The following ENTPD5 variants were observed in gnomAD, a reference collection of about 807,000 sequenced individuals.
ENTPD5 encodes nucleoside diphosphate phosphatase ENTPD5.
Under a neutral mutation model 60.2 loss-of-function variants are expected in ENTPD5, and 49 were observed. That is an observed-to-expected ratio of 0.81 (90% CI 0.65 to 1.03). The LOEUF is 1.03. Among genes scored for constraint, ENTPD5 ranks in the 50% least tolerant of loss-of-function variants. ENTPD5 has a pLI of 0.00. For synonymous variants in ENTPD5, 187 were observed against 185.4 expected (o/e 1.01, Z -0.07); for missense variants, 480 against 507.6 (o/e 0.95, Z 0.52).
chr14:73,970,229 C>T (rs1404565626), intron 14 of ENTPD5, 104 bp from the exon 15 acceptor site: 21 of 721,634 alleles, frequency 2.9e-5, no homozygotes, highest in Middle Eastern at 3.0e-4. Flanking sequence ...CGGTGGCTCA[C>T]GCCTGTAATC....
chr14:73,978,737 C>A (rs1850752735), intron 6 of ENTPD5, among the ~76,000 whole-genome samples: 1 of 151,798 alleles, frequency 6.6e-6, no homozygotes. Flanking sequence ...ATGGTGAAAA[C>A]CCATCTATAC....
chr14:73,985,203 T>C (rs1411982939), intron 5 of ENTPD5, among the ~76,000 whole-genome samples: 1 of 152,202 alleles, frequency 6.6e-6, no homozygotes, highest in African/African-American at 2.4e-5. Context: ...AATAAACATA[T>C]GTGTGCATGT....
At chr14:74,006,278 C>T (rs908119151) in intron 3 of ENTPD5, among the ~76,000 whole-genome samples, 1 of 147,556 alleles carries the variant, frequency 6.8e-6, no homozygotes, top group Non-Finnish European at 1.5e-5. Context: ...AGCCACCTCG[C>T]CAAGCCTTTT....
intron 10 of ENTPD5, among the ~76,000 whole-genome samples, chr14:73,975,444 G>A (rs576602609): frequency 1.5e-4 from 21 of 142,128 alleles, no homozygotes; most frequent in Non-Finnish European, 2.9e-4. Flanking sequence ...TTGCTCTGTC[G>A]CTCCGGCTGA....
At chr14:74,015,723 C>G (rs1225688425) in intron 2 of ENTPD5, 101 bp downstream of exon 2, 1 of 151,846 alleles carries the variant, frequency 6.6e-6, no homozygotes, top group Non-Finnish European at 1.5e-5. Context: ...AAATTAACAT[C>G]ACTTGGCAAA....
intron 4 of ENTPD5, 47 bp from the exon 5 acceptor site, chr14:73,986,940 AG>A (rs745999385): frequency 9.3e-5 from 134 of 1,442,732 alleles, no homozygotes; most frequent in Non-Finnish European, 8.7e-5. Context: ...GGTTACCAAA[AG>A]TTAGGCTGCT....
downstream of ENTPD5, chr14:73,961,519 T>C: frequency 6.2e-7 from 1 of 1,614,130 alleles, no homozygotes; most frequent in Non-Finnish European, 8.5e-7. Flanking sequence ...TGGGGATATC[T>C]CCAGCTTGGC....
chr14:73,987,286 G>C, intron 4 of ENTPD5: 1 of 617,812 alleles, frequency 1.6e-6, no homozygotes, highest in South Asian at 1.9e-5. Flanking sequence ...GATCCCTGGA[G>C]TATCCCATGT....
chr14:73,959,512 A>C (rs759513614), downstream of ENTPD5: 5 of 1,613,938 alleles, frequency 3.1e-6, no homozygotes, highest in East Asian at 1.1e-4. Flanking sequence ...GATGCCGTTA[A>C]CTCTGCCTTT....
chr14:73,984,972 T>A (rs1176091200), intron 5 of ENTPD5, among the ~76,000 whole-genome samples: 1 of 152,202 alleles, frequency 6.6e-6, no homozygotes, highest in Admixed American at 6.5e-5. Context: ...TTCCCACCTA[T>A]GAGTGAGAAC....
intron 3 of ENTPD5, among the ~76,000 whole-genome samples, chr14:74,002,519 A>G (rs2058543986): frequency 6.6e-6 from 1 of 151,672 alleles, no homozygotes; most frequent in African/African-American, 2.4e-5. Flanking sequence ...CTCTAGCCTC[A>G]GCCTCCTGAA....
intron 9 of ENTPD5, 106 bp downstream of exon 9, chr14:73,976,218 G>A (rs1326073983): frequency 2.0e-6 from 2 of 998,442 alleles, no homozygotes; most frequent in Admixed American, 1.9e-5. Flanking sequence ...ACTTGACTCT[G>A]CCTAAGCGTG....
intron 5 of ENTPD5, among the ~76,000 whole-genome samples, chr14:73,985,250 T>C (rs965439424): frequency 6.6e-6 from 1 of 152,232 alleles, no homozygotes; most frequent in African/African-American, 2.4e-5. Flanking sequence ...CCTTTGGGTA[T>C]ATACCGAGTA....
At chr14:73,957,136 C>T (rs1445796400), downstream of ENTPD5, among the ~76,000 whole-genome samples, 5 of 150,316 alleles carry the variant, frequency 3.3e-5, no homozygotes, top group African/African-American at 9.8e-5. Context: ...CTCGCTCTGT[C>T]GCCCAGGCTG....
intron 3 of ENTPD5, among the ~76,000 whole-genome samples, chr14:74,007,398 G>A (rs1329210249): frequency 6.6e-6 from 1 of 152,078 alleles, no homozygotes; most frequent in Non-Finnish European, 1.5e-5. Flanking sequence ...GCGCATGCCT[G>A]TAGTCTCAGC....
downstream of ENTPD5, chr14:73,961,323 C>T: frequency 1.2e-6 from 2 of 1,614,224 alleles, no homozygotes; most frequent in South Asian, 2.2e-5. Flanking sequence ...TCTGTTTCCT[C>T]TTGGGTTGGG....
chr14:73,960,622 C>T (rs2056672330), downstream of ENTPD5: 1 of 1,038,160 alleles, frequency 9.6e-7, no homozygotes, highest in Admixed American at 5.0e-5. Context: ...TTCTATGTAG[C>T]AGGCTCTGGA....
rs759263897 is a variant in ENTPD5, at chr14:73,972,897, G to A, written c.1014C>T (p.Asp338=). Residue 338 remains aspartate (D), a synonymous_variant, in exon 13 of 16, where the codon GAC becomes GAT. Transcript: ENST00000334696. ...GGGTGAACTCACCAATCATGTCTGT[G>A]TCAACAGCTCGGTCATAATAGTAAG... ...AFSYYYDRAV[D]TDMIDYEKGG... 5.6e-6 allele frequency: 9 copies of A among 1,614,004 alleles called. No homozygotes were observed. The Admixed American group carries it at 1.2e-4, about 21-fold the overall frequency.
intron 3 of ENTPD5, among the ~76,000 whole-genome samples, chr14:73,990,793 C>T (rs910708945): frequency 6.6e-6 from 1 of 151,888 alleles, no homozygotes; most frequent in African/African-American, 2.4e-5. Flanking sequence ...CTTTGGGAGG[C>T]CGAGGCAGGT....
Sources: gnomAD v4.1 joint callset for allele counts (sites outside exome capture counted in the v4.1 genomes callset) on GRCh38, gnomAD v4.1.1 for gene constraint, MANE v1.5 for transcripts, NCBI Gene and HGNC (gene_info 2026-07-23, HGNC 2026-07-21) for gene names.